The following PTPRD variants were observed in gnomAD, a reference collection of about 807,000 sequenced individuals.
PTPRD encodes the protein receptor-type tyrosine-protein phosphatase delta.
Under a neutral mutation model 214.5 loss-of-function variants are expected in PTPRD, and 34 were observed. The observed-to-expected ratio is 0.16, with a 90% CI of 0.12 to 0.21. The LOEUF (loss-of-function observed/expected upper bound fraction) is 0.21, where lower values mean the gene tolerates loss of function less well. PTPRD is among the 10% of genes least tolerant of loss of function. The pLI is 1.00. For synonymous variants in PTPRD, 1,128 were observed against 845.7 expected (o/e 1.33, Z -5.79); for missense variants, 2,545 against 2,398.7 (o/e 1.06, Z -1.27).
intron 3 of PTPRD, among the ~76,000 whole-genome samples, chr9:10,095,234 T>C (rs929233983): frequency 6.6e-6 from 1 of 151,438 alleles, no homozygotes; most frequent in Non-Finnish European, 1.5e-5. Flanking sequence ...CTTTTTTCAA[T>C]GCTAAATCTG....
intron 2 of PTPRD, among the ~76,000 whole-genome samples, chr9:10,397,427 T>C (rs1421447614): frequency 6.6e-6 from 1 of 152,032 alleles, no homozygotes; most frequent in Admixed American, 6.6e-5. Flanking sequence ...CAACCTATTA[T>C]AATTCTGACC....
chr9:10,487,426 T>C (rs946857796), intron 2 of PTPRD, among the ~76,000 whole-genome samples: 1 of 152,226 alleles, frequency 6.6e-6, no homozygotes, highest in Non-Finnish European at 1.5e-5. Context: ...TCCTGTGATA[T>C]GATTTAGTTT....
intron 4 of PTPRD, among the ~76,000 whole-genome samples, chr9:9,965,022 CTT>C (rs1161857469): frequency 1.3e-5 from 2 of 152,120 alleles, no homozygotes; most frequent in Non-Finnish European, 2.9e-5. Flanking sequence ...TATTAGGACT[CTT>C]ATTTCAACAA....
At chr9:9,924,201 C>G (rs577775581) in intron 5 of PTPRD, among the ~76,000 whole-genome samples, 2 of 152,008 alleles carry the variant, frequency 1.3e-5, no homozygotes, top group South Asian at 4.2e-4. Context: ...TGTCCTAATT[C>G]CTATGTAGGC....
rs78558931 is a variant in PTPRD, at chr9:10,582,176, G to A, written c.-600+30222C>T. Among the ~76,000 whole-genome samples the A allele has an allele frequency of 3.4e-3, 518 of 152,216 alleles. 4 individuals carry two copies. The highest frequency in any genetic ancestry group is 0.012 in the African/African-American group (486 of 41,540). Reference sequence around the variant, plus strand: ...TTAGAGTTAGAATATAGCTCAAGGTGCCCCTGGATTAATGGCCATCCGGTG... The same window carrying A: ...TTAGAGTTAGAATATAGCTCAAGGTACCCCTGGATTAATGGCCATCCGGTG... On this transcript the variant is annotated intron_variant, in intron 2 of 45. Transcript: ENST00000381196.
In PTPRD at chr9:10,027,668, G is replaced by C. The variant is rs140323768; in HGVS notation, c.-472+6050C>G. Reference sequence around the variant, plus strand: ...TTGAAAAATTTTGAGCATTGAACTTGTCATGGTTATGGCAAAAAATACATT... The same window carrying C: ...TTGAAAAATTTTGAGCATTGAACTTCTCATGGTTATGGCAAAAAATACATT... On this transcript the variant is annotated intron_variant, in intron 4 of 45. Transcript: ENST00000381196. Among the ~76,000 whole-genome samples the C allele has an allele frequency of 8.8e-3, 1,336 of 152,108 alleles. 21 individuals carry two copies. The highest frequency in any genetic ancestry group is 0.03 in the African/African-American group (1,232 of 41,480).
intron 14 of PTPRD, among the ~76,000 whole-genome samples, chr9:8,591,282 C>G (rs1007794264): frequency 6.6e-6 from 1 of 152,094 alleles, no homozygotes; most frequent in African/African-American, 2.4e-5. Flanking sequence ...AGGAACTAGT[C>G]GTGATTTGGA....
chr9:9,283,329 T>C (rs1948385978), intron 9 of PTPRD, among the ~76,000 whole-genome samples: 4 of 151,460 alleles, frequency 2.6e-5, no homozygotes, highest in South Asian at 2.1e-4. Context: ...CAGAATTAAT[T>C]ACCATAAATC....
At chr9:8,849,153 T>C (rs4524848) in intron 11 of PTPRD, among the ~76,000 whole-genome samples, 30,836 of 149,140 alleles carry the variant, frequency 0.21, 3,897 homozygotes, top group South Asian at 0.35. Flanking sequence ...GTTTCAATTC[T>C]ACTCAACTCA....
intron 8 of PTPRD, among the ~76,000 whole-genome samples, chr9:9,410,237 G>A (rs1056446308): frequency 6.6e-6 from 1 of 152,134 alleles, no homozygotes; most frequent in African/African-American, 2.4e-5. Flanking sequence ...TCAGTAATGG[G>A]TGCTTGAAAT....
At chr9:8,899,483 G>A (rs1414856943) in intron 11 of PTPRD, among the ~76,000 whole-genome samples, 1 of 152,138 alleles carries the variant, frequency 6.6e-6, no homozygotes, top group Admixed American at 6.6e-5. Flanking sequence ...AGCAACTGCA[G>A]GTAATACTTG....
intron 5 of PTPRD, among the ~76,000 whole-genome samples, chr9:9,845,678 G>T (rs1005725480): frequency 6.6e-6 from 1 of 151,934 alleles, no homozygotes; most frequent in Non-Finnish European, 1.5e-5. Flanking sequence ...GAGGTAGAAA[G>T]AATCTACCCA....
intron 7 of PTPRD, among the ~76,000 whole-genome samples, chr9:9,660,432 T>C (rs2096601253): frequency 6.6e-6 from 1 of 151,978 alleles, no homozygotes; most frequent in East Asian, 1.9e-4. Context: ...CAGTGAGTAG[T>C]AGAGATGCTT....
chr9:8,520,892 G>T (rs1298168448), intron 20 of PTPRD, among the ~76,000 whole-genome samples: 1 of 151,598 alleles, frequency 6.6e-6, no homozygotes, highest in African/African-American at 2.4e-5. Context: ...GAAATTTTAA[G>T]CATTTATTAA....
chr9:8,704,480 G>T (rs2098157575), intron 12 of PTPRD, among the ~76,000 whole-genome samples: 1 of 152,164 alleles, frequency 6.6e-6, no homozygotes, highest in Admixed American at 6.5e-5. Context: ...ATCTGAGTTT[G>T]AGTCCTAGCT....
Position 9,799,760 on chromosome 9 carries a change from A to C in PTPRD, c.-367-32909T>G, listed in dbSNP as rs74687645. 4.3e-3 allele frequency among the ~76,000 whole-genome samples: 660 copies of C among 152,332 alleles called. 5 individuals carry two copies. The highest frequency in any genetic ancestry group is 7.4e-3 in the Non-Finnish European group (501 of 68,018). ...CCCAATGAATATAAATAAAGGGTTA[A>C]AAGTAACAAAAGAGTTTGAGGCCTT... On this transcript the variant is annotated intron_variant, in intron 5 of 45. Coordinates refer to ENST00000381196, the MANE Select transcript of PTPRD (RefSeq NM_002839.4).
At chr9:9,366,829 A>C (rs2058019243) in intron 9 of PTPRD, among the ~76,000 whole-genome samples, 1 of 151,540 alleles carries the variant, frequency 6.6e-6, no homozygotes, top group Non-Finnish European at 1.5e-5. Flanking sequence ...AATAGAGCTA[A>C]ATACATTAAG....
chr9:10,386,115 T>C (rs2097909864), intron 2 of PTPRD, among the ~76,000 whole-genome samples: 1 of 151,874 alleles, frequency 6.6e-6, no homozygotes, highest in Non-Finnish European at 1.5e-5. Flanking sequence ...TGGATTTTAT[T>C]ATCCAGAATT....
At chr9:9,834,933 T>C (rs2056284878) in intron 5 of PTPRD, among the ~76,000 whole-genome samples, 3 of 152,000 alleles carry the variant, frequency 2.0e-5, no homozygotes, top group African/African-American at 7.3e-5. Flanking sequence ...ACAGGTACTT[T>C]TGTTTTTTTT....
Sources: allele counts gnomAD v4.1 joint callset (sites outside exome capture counted in the v4.1 genomes callset), GRCh38; gene constraint gnomAD v4.1.1; transcripts MANE v1.5; gene names NCBI Gene and HGNC (gene_info 2026-07-23, HGNC 2026-07-21).